KDR: variants seen among roughly 807,000 people sequenced by gnomAD.
KDR encodes the protein vascular endothelial growth factor receptor 2.
A neutral mutation model predicts 160.9 loss-of-function variants in KDR; 43 were observed. The observed-to-expected ratio is 0.27, with a 90% CI of 0.21 to 0.34. The LOEUF (loss-of-function observed/expected upper bound fraction) is 0.34, where lower values mean the gene tolerates loss of function less well. Among genes scored for constraint, KDR ranks in the 10% least tolerant of loss-of-function variants. The pLI is 1.00. For synonymous variants in KDR, 617 were observed against 600.1 expected (o/e 1.03, Z -0.41); for missense variants, 1,469 against 1,666.4 (o/e 0.88, Z 2.06).
At chr4:55,118,238 T>C (rs555399298) in intron 3 of KDR, among the ~76,000 whole-genome samples, 4 of 152,338 alleles carry the variant, frequency 2.6e-5, no homozygotes, top group Non-Finnish European at 4.4e-5. Context: ...AGATAACTTA[T>C]CTCTCCACAG....
intron 22 of KDR, among the ~76,000 whole-genome samples, chr4:55,091,362 C>T (rs191770986): frequency 1.1e-4 from 16 of 152,170 alleles, no homozygotes; most frequent in Admixed American, 2.6e-4. Context: ...TTTTTTAACC[C>T]GACAACCAAG....
chr4:55,108,967 C>T (rs758143919), intron 9 of KDR, among the ~76,000 whole-genome samples: 4 of 151,988 alleles, frequency 2.6e-5, no homozygotes, highest in Non-Finnish European at 4.4e-5. Flanking sequence ...ATTTGCTGTC[C>T]GTGTTTTGTT....
intron 23 of KDR, 32 bp from the exon 24 acceptor site, chr4:55,089,834 C>T (rs370272521): frequency 9.1e-5 from 146 of 1,606,198 alleles, no homozygotes; most frequent in Non-Finnish European, 1.2e-4. Context: ...ATTCAGAACC[C>T]AAATTAGCAA....
At position 55,090,849 on chromosome 4, in the gene KDR, C is replaced by CTTTT. The variant is rs61138010; in HGVS notation, c.3070-775_3070-772dup. ...AATGAATCAATGGCTTAGAAGAAAA[C>CTTTT]TTTTTTTTTTTTTTTTTTTTTTTTT... On this transcript the variant is annotated intron_variant, in intron 22 of 29. Transcript: ENST00000263923. Among the ~76,000 whole-genome samples, 56 of 84,104 alleles carry CTTTT rather than the reference C, an allele frequency of 6.7e-4. 1 individual carries two copies. The highest frequency in any genetic ancestry group is 0.016 in the Middle Eastern group (1 of 62). The allele number at this position is 84,104 out of a possible 152,430, so 55.2% of individuals were successfully genotyped here.
chr4:55,123,793 G>C (rs551345673), intron 1 of KDR, among the ~76,000 whole-genome samples: 4 of 152,268 alleles, frequency 2.6e-5, no homozygotes, highest in South Asian at 4.1e-4. Context: ...CCAGCTCAAA[G>C]ACGGGAAGGA....
At chr4:55,092,366 C>T in intron 22 of KDR, 1 of 491,512 alleles carries the variant, frequency 2.0e-6, no homozygotes, top group Admixed American at 3.2e-5. Context: ...ACCACAGTAT[C>T]CTCAGTGCTC....
chr4:55,090,206 A>G, intron 22 of KDR, 128 bp from the exon 23 acceptor site: 2 of 1,039,516 alleles, frequency 1.9e-6, no homozygotes, highest in Non-Finnish European at 2.9e-6. Flanking sequence ...CTGGGTTAGT[A>G]TCTTTTATCA....
chr4:55,117,245 G>C (rs1031997156), intron 3 of KDR, among the ~76,000 whole-genome samples: 6 of 152,156 alleles, frequency 3.9e-5, no homozygotes, highest in African/African-American at 1.4e-4. Flanking sequence ...CTCATGAAAT[G>C]AATTTTCACA....
At chr4:55,110,899 T>C (rs2110028507) in intron 7 of KDR, 131 bp from the exon 8 acceptor site, 1 of 714,382 alleles carries the variant, frequency 1.4e-6, no homozygotes, top group Non-Finnish European at 2.4e-6. Flanking sequence ...TCCTGTACTA[T>C]CTTTCAGTGG....
At chr4:55,088,748 A>C in intron 26 of KDR, 120 bp downstream of exon 26, 1 of 732,722 alleles carries the variant, frequency 1.4e-6, no homozygotes, top group Non-Finnish European at 2.5e-6. Context: ...GTAGAAGAAT[A>C]CAGTAGATTA....
chr4:55,089,265 C>T (rs1250856107), intron 25 of KDR, 109 bp downstream of exon 25: 2 of 789,160 alleles, frequency 2.5e-6, no homozygotes, highest in African/African-American at 3.4e-5. Flanking sequence ...AAAGTAAAAG[C>T]AGGACACTAA....
chr4:55,104,402 C>G (rs1212898773), intron 13 of KDR, among the ~76,000 whole-genome samples: 1 of 152,188 alleles, frequency 6.6e-6, no homozygotes, highest in African/African-American at 2.4e-5. Flanking sequence ...CTGGTTCAAG[C>G]TAATATCCCT....
intron 21 of KDR, among the ~76,000 whole-genome samples, chr4:55,094,019 G>C (rs1220936987): frequency 6.6e-6 from 1 of 151,428 alleles, no homozygotes; most frequent in Non-Finnish European, 1.5e-5. Flanking sequence ...GGCCAACATG[G>C]TGAAACCCCA....
At chr4:55,121,419 G>A (rs1236127337) in intron 1 of KDR, among the ~76,000 whole-genome samples, 1 of 152,230 alleles carries the variant, frequency 6.6e-6, no homozygotes, top group African/African-American at 2.4e-5. Context: ...GCAATTCATG[G>A]AGCTAGGGTG....
chr4:55,125,049 C>T (rs1031454224), intron 1 of KDR, among the ~76,000 whole-genome samples, 178 bp downstream of exon 1: 4 of 152,322 alleles, frequency 2.6e-5, no homozygotes, highest in Non-Finnish European at 5.9e-5. Context: ...CACAGACTCG[C>T]TGGGTAATCT....
At chr4:55,091,174 T>C (rs571735580) in intron 22 of KDR, among the ~76,000 whole-genome samples, 9 of 152,278 alleles carry the variant, frequency 5.9e-5, no homozygotes, top group South Asian at 2.1e-4. Flanking sequence ...TCTTAAATCA[T>C]TGGAGAAGTG....
chr4:55,124,622 T>C (rs910355449), intron 1 of KDR, among the ~76,000 whole-genome samples: 4 of 151,468 alleles, frequency 2.6e-5, no homozygotes, highest in Admixed American at 6.6e-5. Flanking sequence ...ATTCCCCCCC[T>C]TCTTCGCTCT....
rs56286620 is a variant in KDR at position 55,107,765 on chromosome 4, A to T, written c.1384T>A (p.Leu462Met). 1 of 1,613,952 alleles carries T rather than the reference A, an allele frequency of 6.2e-7. No homozygotes were observed. Residue 462 changes from leucine (L) to methionine (M), a missense_variant, in exon 10 of 30, where the codon TTG becomes ATG. Physicochemically the swap from Leu to Met is conservative, Grantham distance 15. Around this residue, in one of 7 missense-constraint regions of KDR, gnomAD observed 792 missense variants for 840.9 expected, o/e 0.94. Coordinates refer to ENST00000263923, the MANE Select transcript of KDR (RefSeq NM_002253.4). The stretch of plus-strand genomic sequence containing the variant: ...GGCTCGTTGGCGCACTCTTCCTCCA[A>T]CTGCCAATACCAGTGGATGTGATGC... ...PPHHIHWYWQLEEECANEPSQ... is the reference protein window; with the variant it reads ...PPHHIHWYWQMEEECANEPSQ...
intron 1 of KDR, among the ~76,000 whole-genome samples, chr4:55,124,908 A>G (rs542648291): frequency 6.6e-6 from 1 of 152,150 alleles, no homozygotes; most frequent in African/African-American, 2.4e-5. Context: ...CTGCCTGCCA[A>G]CCCCAGGCGC....
Sources: allele counts gnomAD v4.1 joint callset (sites outside exome capture counted in the v4.1 genomes callset), GRCh38; gene constraint gnomAD v4.1.1; regional missense constraint gnomAD v4.1.1; transcripts MANE v1.5; gene names NCBI Gene and HGNC (gene_info 2026-07-23, HGNC 2026-07-21).